KCTD16: variants seen among roughly 807,000 people sequenced by gnomAD.
KCTD16 encodes potassium channel tetramerization domain containing 16.
KCTD16 carries 13 observed loss-of-function variants against 33.2 expected under a neutral mutation model. That is an observed-to-expected ratio of 0.39 (90% CI 0.25 to 0.62). KCTD16 has a LOEUF of 0.62. KCTD16 is among the 20% of genes least tolerant of loss of function. The pLI, the probability that KCTD16 is intolerant of heterozygous loss-of-function variation, is 0.50. For synonymous variants in KCTD16, 197 were observed against 195.3 expected (o/e 1.01, Z -0.07); for missense variants, 441 against 525.1 (o/e 0.84, Z 1.57).
intron 3 of KCTD16, among the ~76,000 whole-genome samples, chr5:144,271,416 C>T (rs1755291245): frequency 6.6e-6 from 1 of 151,844 alleles, no homozygotes; most frequent in South Asian, 2.1e-4. Flanking sequence ...ATGATCATCT[C>T]AATGCAGAAA....
intron 3 of KCTD16, among the ~76,000 whole-genome samples, chr5:144,249,506 G>A (rs953438544): frequency 1.3e-5 from 2 of 152,068 alleles, no homozygotes; most frequent in African/African-American, 4.8e-5. Context: ...TAAGCATTCA[G>A]TAACTATTTA....
intron 3 of KCTD16, among the ~76,000 whole-genome samples, chr5:144,299,138 ATATATATATATT>A (rs1211768072): frequency 3.1e-4 from 9 of 29,226 alleles, no homozygotes; most frequent in East Asian, 1.6e-3. Flanking sequence ...ATATATATAT[ATATATATATATT>A]TTTTTTTTTT....
intron 2 of KCTD16, among the ~76,000 whole-genome samples, chr5:144,186,106 A>G (rs1210909900): frequency 6.6e-6 from 1 of 152,152 alleles, no homozygotes; most frequent in Non-Finnish European, 1.5e-5. Context: ...CTCTTCTATA[A>G]TCTATCATTC....
chr5:144,324,756 C>A (rs547690129), intron 3 of KCTD16, among the ~76,000 whole-genome samples: 2 of 152,260 alleles, frequency 1.3e-5, no homozygotes, highest in South Asian at 2.1e-4. Context: ...TAAAAAGGAA[C>A]AAGATCATAT....
chr5:144,208,509 G>A (rs1366251544), intron 3 of KCTD16, among the ~76,000 whole-genome samples: 4 of 152,178 alleles, frequency 2.6e-5, no homozygotes, highest in Non-Finnish European at 5.9e-5. Context: ...TTTTCAACAG[G>A]CCCAGGAGTT....
rs1754685753 is a variant in KCTD16, at chr5:144,480,593, G to A, written c.*6479G>A. 1 of 151,852 alleles carries A rather than the reference G, an allele frequency of 6.6e-6. No homozygotes were observed. Among genetic ancestry groups the A allele is most frequent in the Non-Finnish European group, 1.5e-5 (1 of 67,902 alleles). 9.4% of individuals were successfully genotyped at this position (151,852 alleles called of 1,614,324 possible). On this transcript the variant is annotated 3_prime_UTR_variant, in exon 4 of 4. Transcript: ENST00000512467. ...TCAGGAAACTCTCCTTGATTCATGT[G>A]GGTTATGTGCATTTAAGGCCGTGGC... is the stretch of plus-strand genomic sequence containing the variant.
intron 3 of KCTD16, among the ~76,000 whole-genome samples, chr5:144,230,388 C>A (rs1207847180): frequency 6.6e-6 from 1 of 152,130 alleles, no homozygotes; most frequent in African/African-American, 2.4e-5. Context: ...AACCATATAT[C>A]TCAAACTTAA....
chr5:144,396,806 C>G (rs1752576791), intron 3 of KCTD16, among the ~76,000 whole-genome samples: 1 of 151,772 alleles, frequency 6.6e-6, no homozygotes, highest in African/African-American at 2.4e-5. Context: ...AAAAATCAGT[C>G]TGCTTTCCAG....
chr5:144,410,331 C>T (rs1752904761), intron 3 of KCTD16, among the ~76,000 whole-genome samples: 1 of 152,194 alleles, frequency 6.6e-6, no homozygotes, highest in Non-Finnish European at 1.5e-5. Flanking sequence ...CTTCATGACA[C>T]TAATATATTA....
At chr5:144,216,385 CCTT>C (rs1387166338) in intron 3 of KCTD16, among the ~76,000 whole-genome samples, 20 of 152,298 alleles carry the variant, frequency 1.3e-4, no homozygotes, top group African/African-American at 4.8e-4. Flanking sequence ...ATACTTCTCT[CCTT>C]TTATTCATCA....
Position 144,206,670 on chromosome 5 carries a change from G to A in KCTD16, c.-45G>A, listed in dbSNP as rs780169256. Reference sequence around the variant, plus strand: ...AAAGGATAAGGCTGTGACTCCATTGGATTGCACCTTTAAATCAAAATAGCA... The same window carrying A: ...AAAGGATAAGGCTGTGACTCCATTGAATTGCACCTTTAAATCAAAATAGCA... On this transcript the variant is annotated 5_prime_UTR_variant, in exon 3 of 4. Coordinates refer to ENST00000512467, the MANE Select transcript of KCTD16 (RefSeq NM_020768.4). The A allele has an allele frequency of 1.1e-5, 17 of 1,514,610 alleles. No homozygotes were observed. Among genetic ancestry groups the A allele is most frequent in the Non-Finnish European group, 1.4e-5 (15 of 1,104,658 alleles). 93.8% of individuals were successfully genotyped at this position (1,514,610 alleles called of 1,614,324 possible). A position where few individuals can be genotyped will look rare whatever the true frequency, so the allele number is the denominator to read the frequency against.
At chr5:144,332,000 G>A (rs1343006240) in intron 3 of KCTD16, among the ~76,000 whole-genome samples, 1 of 152,114 alleles carries the variant, frequency 6.6e-6, no homozygotes, top group Non-Finnish European at 1.5e-5. Flanking sequence ...GAAATTCTTA[G>A]AAAAAGCCCA....
chr5:144,190,127 T>C (rs1437396743), intron 2 of KCTD16, among the ~76,000 whole-genome samples: 1 of 152,214 alleles, frequency 6.6e-6, no homozygotes, highest in African/African-American at 2.4e-5. Flanking sequence ...CCTCTGTGTC[T>C]CCTTAACGCT....
At chr5:144,305,779 A>T (rs1580859613) in intron 3 of KCTD16, among the ~76,000 whole-genome samples, 2 of 152,198 alleles carry the variant, frequency 1.3e-5, no homozygotes, top group South Asian at 4.1e-4. Context: ...GTGCCACTGC[A>T]CCCCAGCCTG....
chr5:144,431,240 T>C (rs1753452839), intron 3 of KCTD16, among the ~76,000 whole-genome samples: 1 of 152,164 alleles, frequency 6.6e-6, no homozygotes, highest in East Asian at 1.9e-4. Flanking sequence ...GTTTAGTCCA[T>C]TCAGTAAAAG....
chr5:144,334,273 G>A (rs572145630), intron 3 of KCTD16, among the ~76,000 whole-genome samples: 7 of 152,290 alleles, frequency 4.6e-5, no homozygotes, highest in African/African-American at 1.7e-4. Flanking sequence ...GACACATAAA[G>A]GATGGTGTCC....
intron 3 of KCTD16, among the ~76,000 whole-genome samples, chr5:144,372,155 C>A (rs770045011): frequency 7.3e-4 from 110 of 151,190 alleles, no homozygotes; most frequent in Admixed American, 7.9e-4. Context: ...AGTTTATATG[C>A]AATTTCTAAA....
chr5:144,208,234 C>T (rs1753253119), intron 3 of KCTD16, among the ~76,000 whole-genome samples: 1 of 152,186 alleles, frequency 6.6e-6, no homozygotes, highest in East Asian at 1.9e-4. Context: ...AATTGTCAAT[C>T]ACATTTAAAC....
chr5:144,393,411 G>C (rs1752494307), intron 3 of KCTD16, among the ~76,000 whole-genome samples: 1 of 152,112 alleles, frequency 6.6e-6, no homozygotes, highest in Non-Finnish European at 1.5e-5. Context: ...AAATCTGTGT[G>C]TTTTTCTATG....
Sources: allele counts gnomAD v4.1 joint callset (sites outside exome capture counted in the v4.1 genomes callset), GRCh38; gene constraint gnomAD v4.1.1; transcripts MANE v1.5; gene names NCBI Gene and HGNC (gene_info 2026-07-23, HGNC 2026-07-21).